Variants in SIN3B observed in about 807,000 individuals in gnomAD.
SIN3B encodes paired amphipathic helix protein Sin3b.
A neutral mutation model predicts 120.2 loss-of-function variants in SIN3B; 19 were observed. The observed-to-expected ratio is 0.16, with a 90% CI of 0.11 to 0.23. The LOEUF (loss-of-function observed/expected upper bound fraction) is 0.23. Among genes scored for constraint, SIN3B ranks in the 10% least tolerant of loss-of-function variants. SIN3B has a pLI of 1.00. For synonymous variants in SIN3B, 654 were observed against 653.2 expected (o/e 1.00, Z -0.02); for missense variants, 1,073 against 1,573.0 (o/e 0.68, Z 5.38).
chr19:16,867,062 C>G (rs1269133910), intron 12 of SIN3B, among the ~76,000 whole-genome samples: 1 of 152,202 alleles, frequency 6.6e-6, no homozygotes, highest in African/African-American at 2.4e-5. Flanking sequence ...GCCGACTCTG[C>G]CATTGTCTAG....
intron 3 of SIN3B, among the ~76,000 whole-genome samples, chr19:16,837,368 T>C (rs1599589219): frequency 6.6e-6 from 1 of 150,896 alleles, no homozygotes; most frequent in South Asian, 2.1e-4. Flanking sequence ...GGAAACAGAG[T>C]GGATGGTGAC....
In SIN3B at chr19:16,833,809, C is replaced by T. The variant is rs920785469; in HGVS notation, c.381+2162C>T. ...CGCAATCTCGGCTCCCTGCAACCTC[C>T]ACCTCCTGGGTTCAAGAGATTCTCC... On this transcript the variant is annotated intron_variant, in intron 3 of 18. Coordinates refer to ENST00000248054, the MANE Select transcript of SIN3B (RefSeq NM_001297595.2). 3.3e-5 allele frequency among the ~76,000 whole-genome samples: 5 copies of T among 151,288 alleles called. No homozygotes were observed. In the East Asian group the frequency reaches 1.0e-3, roughly 30 times the overall value.
chr19:16,878,467 A>C, intron 18 of SIN3B, 30 bp from the exon 19 acceptor site: 2 of 1,564,396 alleles, frequency 1.3e-6, no homozygotes, highest in Non-Finnish European at 1.7e-6. Flanking sequence ...TCCAGCCCTC[A>C]GCTGCCCTGA....
At chr19:16,846,541 C>A (rs1475697245) in intron 4 of SIN3B, 1 of 157,984 alleles carries the variant, frequency 6.3e-6, no homozygotes, top group Non-Finnish European at 1.4e-5. Context: ...AGGTCTGGAT[C>A]AGGCCATTTT....
Position 16,876,599 on chromosome 19 carries a change from T to C in SIN3B, c.2859+21T>C. Reference sequence around the variant, plus strand: ...TCCAGGTGAGGCCCTGGCCCCAGTCTGTGCCACGCATACCAGGGAGCGCCT... The same window carrying C: ...TCCAGGTGAGGCCCTGGCCCCAGTCCGTGCCACGCATACCAGGGAGCGCCT... On this transcript the variant is annotated intron_variant, in intron 16 of 18. Coordinates refer to ENST00000248054, the MANE Select transcript of SIN3B (RefSeq NM_001297595.2). The surrounding 1 kb of genome is among the most constrained non-coding windows in gnomAD (Gnocchi z 7.1). 6.3e-7 allele frequency: 1 copy of C among 1,594,268 alleles called. No homozygotes were observed. The highest frequency in any genetic ancestry group is 8.6e-7 in the Non-Finnish European group (1 of 1,164,050).
intron 6 of SIN3B, among the ~76,000 whole-genome samples, chr19:16,851,959 A>T (rs995870848): frequency 3.3e-5 from 5 of 152,196 alleles, no homozygotes; most frequent in African/African-American, 1.2e-4. Context: ...CGATTCCATT[A>T]TTCCTTGTGC....
chr19:16,870,716 A>AT (rs34452201), intron 13 of SIN3B, among the ~76,000 whole-genome samples: 327 of 151,182 alleles, frequency 2.2e-3, no homozygotes, highest in Non-Finnish European at 3.8e-3. Context: ...ATGTCCGGTT[A>AT]TTTTTTTTTT....
Position 16,876,256 on chromosome 19 carries a change from C to G in SIN3B, c.2766+28C>G. The G allele has an allele frequency of 6.3e-7, 1 of 1,593,336 alleles. No homozygotes were observed. Among genetic ancestry groups the G allele is most frequent in the Non-Finnish European group, 8.6e-7 (1 of 1,167,392 alleles). ...GAGAGGAGGCCTGGGGCTGGGAACA[C>G]GCCGGGAGGCCCGGCCGCTCACTCC... On this transcript the variant is annotated intron_variant, in intron 15 of 18. Coordinates refer to ENST00000248054, the MANE Select transcript of SIN3B (RefSeq NM_001297595.2). The surrounding 1 kb of genome is among the most constrained non-coding windows in gnomAD (Gnocchi z 7.1).
intron 14 of SIN3B, 72 bp from the exon 15 acceptor site, chr19:16,875,983 C>G: frequency 1.3e-6 from 2 of 1,483,320 alleles, no homozygotes; most frequent in Non-Finnish European, 1.8e-6. Context: ...CCTTTGTCGA[C>G]TTCCTCTGTG....
At chr19:16,860,660 G>A (rs1971675684) in intron 8 of SIN3B, among the ~76,000 whole-genome samples, 1 of 150,086 alleles carries the variant, frequency 6.7e-6, no homozygotes, top group Non-Finnish European at 1.5e-5. Flanking sequence ...GAGTGCAGTG[G>A]CGTGATCTCG....
chr19:16,863,054 C>G, intron 9 of SIN3B: 1 of 1,118,598 alleles, frequency 8.9e-7, no homozygotes. Flanking sequence ...CACACAGACA[C>G]AACCATTCCT....
rs2051612760 is a variant in SIN3B at position 16,876,650 on chromosome 19, C to T, written c.2859+72C>T. On this transcript the variant is annotated intron_variant, in intron 16 of 18. Transcript: ENST00000248054. This position sits in a 1 kb window ranked among gnomAD's most constrained non-coding sequence, Gnocchi z 7.1. ...GAGGGCAGCAGCATGGGGCTCCCAC[C>T]AGCCAAGCGCAGGCCGCGCAGCATC... 3.4e-6 allele frequency: 4 copies of T among 1,193,338 alleles called. No homozygotes were observed. Among genetic ancestry groups the T allele is most frequent in the Non-Finnish European group, 4.9e-6 (4 of 817,066 alleles). 73.9% of individuals were successfully genotyped at this position (1,193,338 alleles called of 1,614,324 possible). A position where few individuals can be genotyped will look rare whatever the true frequency, so the allele number is the denominator to read the frequency against.
In SIN3B at chr19:16,829,910, C is replaced by T; in HGVS notation, c.227+13C>T. 1 of 1,585,030 alleles carries T rather than the reference C, an allele frequency of 6.3e-7. No homozygotes were observed. The highest frequency in any genetic ancestry group is 8.7e-7 in the Non-Finnish European group (1 of 1,154,182). ...TCAAAAGCCAGAGGTACCAGCGGGG[C>T]CCCTCTCCACCTCAGGGGACCCCCC... On this transcript the variant is annotated intron_variant, in intron 2 of 18. Coordinates refer to ENST00000248054, the MANE Select transcript of SIN3B (RefSeq NM_001297595.2).
intron 11 of SIN3B, 101 bp from the exon 12 acceptor site, chr19:16,866,272 G>A (rs1220422345): frequency 7.3e-6 from 9 of 1,226,280 alleles, no homozygotes; most frequent in Admixed American, 2.3e-5. Flanking sequence ...CCTGGGTCCT[G>A]GACCCCCAGT....
At chr19:16,856,081 T>C (rs1459838234) in intron 8 of SIN3B, among the ~76,000 whole-genome samples, 1 of 152,172 alleles carries the variant, frequency 6.6e-6, no homozygotes, top group South Asian at 2.1e-4. Flanking sequence ...ATATATATTA[T>C]ACCTCTGCTG....
intron 4 of SIN3B, among the ~76,000 whole-genome samples, chr19:16,843,372 G>A (rs557915693): frequency 6.6e-6 from 1 of 152,348 alleles, no homozygotes; most frequent in South Asian, 2.1e-4. Flanking sequence ...GATAGAATTT[G>A]TGTTCTGGGA....
chr19:16,867,616 C>T (rs1008077234), intron 12 of SIN3B, among the ~76,000 whole-genome samples: 1 of 152,202 alleles, frequency 6.6e-6, no homozygotes, highest in Non-Finnish European at 1.5e-5. Context: ...CAGCCTGGTG[C>T]CCACCTGGGC....
intron 12 of SIN3B, among the ~76,000 whole-genome samples, chr19:16,868,895 C>T (rs975675432): frequency 7.2e-5 from 11 of 152,034 alleles, no homozygotes; most frequent in East Asian, 3.9e-4. Flanking sequence ...TGACGATGGG[C>T]GTGCAGGTCT....
intron 8 of SIN3B, among the ~76,000 whole-genome samples, chr19:16,856,848 G>T (rs1277251677): frequency 6.6e-6 from 1 of 152,106 alleles, no homozygotes; most frequent in Non-Finnish European, 1.5e-5. Context: ...CTGAGATTAT[G>T]GGCGTGAGCC....
Sources: allele counts gnomAD v4.1 joint callset (sites outside exome capture counted in the v4.1 genomes callset), GRCh38; gene constraint gnomAD v4.1.1; non-coding constraint Gnocchi (gnomAD v3.1); transcripts MANE v1.5; gene names NCBI Gene and HGNC (gene_info 2026-07-23, HGNC 2026-07-21).